Variants in SCP2 observed in about 807,000 individuals in gnomAD.
SCP2 encodes sterol carrier protein 2.
In SCP2, 48 loss-of-function variants were observed where a neutral mutation model predicts 71.4. The observed-to-expected ratio is 0.67, with a 90% CI of 0.53 to 0.86. SCP2 has a LOEUF of 0.86. Among genes scored for constraint, SCP2 ranks in the 40% least tolerant of loss-of-function variants. SCP2 has a pLI of 0.00. For missense variants in SCP2, 560 were observed against 655.6 expected (o/e 0.85, Z 1.59); for synonymous variants, 220 against 218.1 (o/e 1.01, Z -0.08).
chr1:52,972,428 CG>C (rs907670835), intron 6 of SCP2, among the ~76,000 whole-genome samples: 1 of 151,958 alleles, frequency 6.6e-6, no homozygotes, highest in African/African-American at 2.4e-5. Flanking sequence ...TCCTATGTTA[CG>C]AAAAAAGGAA....
At chr1:53,026,829 T>A (rs1008496765) in intron 12 of SCP2, among the ~76,000 whole-genome samples, 10 of 149,286 alleles carry the variant, frequency 6.7e-5, no homozygotes, top group African/African-American at 2.5e-4. Flanking sequence ...AAGTATGAAA[T>A]AATAGAAGGA....
intron 13 of SCP2, among the ~76,000 whole-genome samples, chr1:53,028,943 T>C (rs1662327426): frequency 6.6e-6 from 1 of 151,958 alleles, no homozygotes; most frequent in Non-Finnish European, 1.5e-5. Context: ...GCCAGGCTAA[T>C]TTTTGTATTT....
chr1:52,988,651 A>G (rs1659200852), intron 11 of SCP2, among the ~76,000 whole-genome samples: 1 of 150,682 alleles, frequency 6.6e-6, no homozygotes, highest in Non-Finnish European at 1.5e-5. Flanking sequence ...TTAAGCCCAA[A>G]CCTCACCATG....
chr1:52,974,783 C>A lies in SCP2; in HGVS notation c.538C>A (p.His180Asn). ...TTTCTTTACAGGAACAAAAATTGAA[C>A]ACTTTGCAAAAATTGGATGGAAAAA... ...HMEKYGTKIE[H>N]FAKIGWKNHK... Residue 180 changes from histidine (H) to asparagine (N), a missense_variant, in exon 7 of 16, where the codon CAC (histidine) becomes AAC (asparagine). Around this residue, in one of 3 missense-constraint regions of SCP2, gnomAD observed 513 missense variants for 573.1 expected, o/e 0.90. Transcript: ENST00000371514. 1 of 1,543,158 alleles carries A rather than the reference C, an allele frequency of 6.5e-7. No individual in the cohort carries two copies. Among genetic ancestry groups the A allele is most frequent in the Non-Finnish European group, 9.0e-7 (1 of 1,115,460 alleles).
intron 12 of SCP2, among the ~76,000 whole-genome samples, chr1:53,021,054 G>A (rs765891559): frequency 2.0e-5 from 3 of 151,790 alleles, no homozygotes; most frequent in Non-Finnish European, 2.9e-5. Context: ...CATCCAGGCT[G>A]GATTGCAGTG....
chr1:53,010,425 A>G (rs1660910070), intron 11 of SCP2, among the ~76,000 whole-genome samples: 1 of 152,262 alleles, frequency 6.6e-6, no homozygotes, highest in Non-Finnish European at 1.5e-5. Flanking sequence ...TGGCACATAT[A>G]CACCACGGAA....
In SCP2 at chr1:52,998,228, A is replaced by T. The variant is rs537876056; in HGVS notation, c.1081+10092A>T. Among the ~76,000 whole-genome samples the T allele has an allele frequency of 4.8e-4, 73 of 152,276 alleles. 1 individual carries two copies. In the Middle Eastern group the frequency reaches 0.014, roughly 28 times the overall value. ...TGTTTGTATACAAGTCTATTTGGAG[A>T]CATATATTTTTATTTATCTTGGGTT... On this transcript the variant is annotated intron_variant, in intron 11 of 15. Transcript: ENST00000371514.
Position 52,938,084 on chromosome 1 carries a change from C to T in SCP2, c.70-3712C>T, listed in dbSNP as rs374078712. On this transcript the variant is annotated intron_variant, in intron 1 of 15. Coordinates refer to ENST00000371514, the MANE Select transcript of SCP2 (RefSeq NM_002979.5). ...TGTCTTATGTAAATGTGTTATAATT[C>T]GCATATAATGAGCAATGAGGGCAAC... Among the ~76,000 whole-genome samples the T allele has an allele frequency of 9.2e-5, 14 of 152,126 alleles. No individual in the cohort carries two copies. In the East Asian group the frequency reaches 9.6e-4, roughly 10 times the overall value.
intron 1 of SCP2, among the ~76,000 whole-genome samples, chr1:52,939,471 G>A (rs1053744388): frequency 1.3e-5 from 2 of 151,988 alleles, no homozygotes; most frequent in African/African-American, 2.4e-5. Flanking sequence ...GCTTGAGCCC[G>A]GGAAGTTGAA....
rs1292727353 is a variant in SCP2, at chr1:52,929,896, T to C, written c.69+2431T>C. ...CCTCGGACTCCCAAAGTGCTGGGAT[T>C]ACAGGCGTGAGCCACCGCACCTGGC... On this transcript the variant is annotated intron_variant, in intron 1 of 15. Coordinates refer to ENST00000371514, the MANE Select transcript of SCP2 (RefSeq NM_002979.5). Among the ~76,000 whole-genome samples the C allele has an allele frequency of 2.0e-5, 3 of 152,234 alleles. No homozygotes were observed. The East Asian group carries it at 5.8e-4, about 29-fold the overall frequency.
intron 2 of SCP2, among the ~76,000 whole-genome samples, chr1:52,944,686 A>G (rs1273322068): frequency 6.6e-6 from 1 of 152,072 alleles, no homozygotes; most frequent in Non-Finnish European, 1.5e-5. Flanking sequence ...ATACTGAGGT[A>G]AAGTTAATGA....
At chr1:53,026,259 A>G (rs1662123766) in intron 12 of SCP2, among the ~76,000 whole-genome samples, 1 of 152,174 alleles carries the variant, frequency 6.6e-6, no homozygotes, top group South Asian at 2.1e-4. Flanking sequence ...TTATTCTAGG[A>G]ACATTTGAAT....
intron 5 of SCP2, among the ~76,000 whole-genome samples, chr1:52,959,342 T>C (rs539971140): frequency 6.6e-6 from 1 of 151,736 alleles, no homozygotes; most frequent in East Asian, 1.9e-4. Flanking sequence ...ATTACGGGCA[T>C]GCGCCACCAC....
At chr1:53,027,614 C>T (rs1014865113) in intron 12 of SCP2, among the ~76,000 whole-genome samples, 3 of 151,938 alleles carry the variant, frequency 2.0e-5, no homozygotes, top group Non-Finnish European at 4.4e-5. Flanking sequence ...AAGCGATTCT[C>T]CTACCTCAGC....
intron 6 of SCP2, among the ~76,000 whole-genome samples, chr1:52,970,612 A>G (rs1236647079): frequency 1.3e-5 from 2 of 151,458 alleles, no homozygotes; most frequent in Non-Finnish European, 2.9e-5. Context: ...AGCCCATTCC[A>G]TATAGTCATG....
chr1:52,951,051 G>C (rs539521159), intron 4 of SCP2, among the ~76,000 whole-genome samples, 165 bp downstream of exon 4: 57 of 152,180 alleles, frequency 3.7e-4, no homozygotes, highest in Admixed American at 9.8e-4. Flanking sequence ...GAGGCCGAGG[G>C]GGGTGGATTG....
chr1:52,972,096 G>A (rs1296909502), intron 6 of SCP2, among the ~76,000 whole-genome samples: 2 of 152,146 alleles, frequency 1.3e-5, no homozygotes, highest in Non-Finnish European at 2.9e-5. Context: ...TAAATGAATT[G>A]TAGAATTTTA....
At chr1:53,008,270 C>T (rs1660759115) in intron 11 of SCP2, among the ~76,000 whole-genome samples, 1 of 152,314 alleles carries the variant, frequency 6.6e-6, no homozygotes. Context: ...TCCTCCCTAA[C>T]TCAATTTATG....
At chr1:52,988,915 C>T (rs1022966898) in intron 11 of SCP2, among the ~76,000 whole-genome samples, 2 of 151,980 alleles carry the variant, frequency 1.3e-5, no homozygotes, top group Non-Finnish European at 2.9e-5. Context: ...TGGTCTTGAA[C>T]TCCTGACCTC....
Sources: allele counts gnomAD v4.1 joint callset (sites outside exome capture counted in the v4.1 genomes callset), GRCh38; gene constraint gnomAD v4.1.1; regional missense constraint gnomAD v4.1.1; transcripts MANE v1.5; gene names NCBI Gene and HGNC (gene_info 2026-07-23, HGNC 2026-07-21).